The following ANKS1B variants were observed in gnomAD, a reference collection of about 807,000 sequenced individuals.
The protein encoded by ANKS1B is ankyrin repeat and sterile alpha motif domain-containing protein 1B.
A neutral mutation model predicts 148.3 loss-of-function variants in ANKS1B; 36 were observed. The ratio of observed to expected loss-of-function variants is 0.24; its 90% CI spans 0.19 to 0.32. The LOEUF (loss-of-function observed/expected upper bound fraction) is 0.32. Among genes scored for constraint, ANKS1B ranks in the 10% least tolerant of loss-of-function variants. ANKS1B has a pLI of 1.00. For synonymous variants in ANKS1B, 542 were observed against 560.8 expected, an observed-to-expected ratio of 0.97 and a Z score of 0.47; for missense variants, 1,157 against 1,542.6, an observed-to-expected ratio of 0.75 and a Z score of 4.19.
At chr12:99,273,291 T>C (rs1386319558) in intron 12 of ANKS1B, among the ~76,000 whole-genome samples, 1 of 152,206 alleles carries the variant, frequency 6.6e-6, no homozygotes, top group African/African-American at 2.4e-5. Context: ...ACTTTCTCTG[T>C]CCCTTCTATT....
intron 1 of ANKS1B, among the ~76,000 whole-genome samples, chr12:99,959,903 T>G (rs934660648): frequency 6.6e-6 from 1 of 152,194 alleles, no homozygotes; most frequent in Admixed American, 6.5e-5. Flanking sequence ...TGCATCCCTC[T>G]ACTTAATAAA....
intron 9 of ANKS1B, among the ~76,000 whole-genome samples, chr12:99,510,203 A>G (rs1596092626): frequency 6.6e-6 from 1 of 152,048 alleles, no homozygotes; most frequent in Non-Finnish European, 1.5e-5. Context: ...GACTGTTAAC[A>G]CAGCATGTAT....
chr12:99,692,112 T>C (rs2098682476), intron 8 of ANKS1B, among the ~76,000 whole-genome samples: 1 of 152,216 alleles, frequency 6.6e-6, no homozygotes, highest in Non-Finnish European at 1.5e-5. Context: ...GTTAAGTATA[T>C]AAGAAAGTCA....
At chr12:99,943,183 C>A (rs887806036) in intron 1 of ANKS1B, among the ~76,000 whole-genome samples, 7 of 152,154 alleles carry the variant, frequency 4.6e-5, no homozygotes, top group African/African-American at 1.2e-4. Flanking sequence ...ACATCTGAAA[C>A]CCATCCTTTC....
intron 2 of ANKS1B, among the ~76,000 whole-genome samples, chr12:99,819,768 G>T (rs766787112): frequency 2.0e-5 from 3 of 151,410 alleles, no homozygotes; most frequent in Non-Finnish European, 3.0e-5. Context: ...ACCTCACAGG[G>T]AAAGATAAGA....
intron 17 of ANKS1B, among the ~76,000 whole-genome samples, chr12:98,925,941 T>TA (rs1216299601): frequency 6.6e-6 from 1 of 151,930 alleles, no homozygotes; most frequent in Non-Finnish European, 1.5e-5. Flanking sequence ...TAATTGAAAC[T>TA]AAAAAAAGAA....
At chr12:99,512,716 C>A (rs560718024) in intron 9 of ANKS1B, among the ~76,000 whole-genome samples, 3 of 152,060 alleles carry the variant, frequency 2.0e-5, no homozygotes, top group Non-Finnish European at 4.4e-5. Context: ...GAATACTATG[C>A]AGCCATAAAA....
intron 8 of ANKS1B, among the ~76,000 whole-genome samples, chr12:99,770,377 G>T (rs1226762402): frequency 1.3e-5 from 2 of 152,030 alleles, no homozygotes; most frequent in Non-Finnish European, 2.9e-5. Context: ...TCAAAACATG[G>T]TAAGAACCAT....
intron 9 of ANKS1B, among the ~76,000 whole-genome samples, chr12:99,631,790 TAAAG>T (rs1042132503): frequency 5.9e-5 from 9 of 152,062 alleles, no homozygotes; most frequent in African/African-American, 2.2e-4. Context: ...AATAATAACT[TAAAG>T]AAAGAATTTA....
chr12:98,802,509 C>T (rs537856776), intron 20 of ANKS1B, among the ~76,000 whole-genome samples: 91 of 146,224 alleles, frequency 6.2e-4, no homozygotes, highest in African/African-American at 2.0e-3. Flanking sequence ...ATTTTCTTTG[C>T]GCACTTTGGA....
chr12:99,517,340 G>A (rs891191431), intron 9 of ANKS1B, among the ~76,000 whole-genome samples: 1 of 150,804 alleles, frequency 6.6e-6, no homozygotes, highest in Non-Finnish European at 1.5e-5. Flanking sequence ...AAATGCTACT[G>A]ATTTTTGTAT....
intron 10 of ANKS1B, among the ~76,000 whole-genome samples, chr12:99,449,655 T>C (rs1010962197): frequency 1.3e-5 from 2 of 152,028 alleles, no homozygotes; most frequent in Non-Finnish European, 2.9e-5. Flanking sequence ...AGAAACACCA[T>C]CAGAATTAAA....
chr12:99,812,368 A>G, intron 2 of ANKS1B, 57 bp from the exon 3 acceptor site: 4 of 1,525,864 alleles, frequency 2.6e-6, no homozygotes, highest in Non-Finnish European at 3.6e-6. Flanking sequence ...ACTGTATTAA[A>G]TAGGTAATTT....
At chr12:98,917,673 G>A (rs1311698832) in intron 17 of ANKS1B, among the ~76,000 whole-genome samples, 1 of 152,208 alleles carries the variant, frequency 6.6e-6, no homozygotes, top group African/African-American at 2.4e-5. Flanking sequence ...TGAATCTCAT[G>A]ATAATAAAAA....
intron 9 of ANKS1B, among the ~76,000 whole-genome samples, chr12:99,548,371 TC>T (rs76908450): frequency 0.2 from 30,015 of 151,928 alleles, 3,062 homozygotes; most frequent in East Asian, 0.24. Flanking sequence ...TGCTTTCTAA[TC>T]CCCAACAGTT....
Position 98,957,252 on chromosome 12 carries a change from G to T in ANKS1B, c.2778+95905C>A, listed in dbSNP as rs1414486210. Among the ~76,000 whole-genome samples, 8 of 152,124 alleles carry T rather than the reference G, an allele frequency of 5.3e-5. No individual in the cohort carries two copies. The South Asian group carries it at 1.7e-3, about 32-fold the overall frequency. ...TAAGCAATTGTTAACTTGCTGCAGA[G>T]TGAGTGAACCCAATTGCATTGGATT... On this transcript the variant is annotated intron_variant, in intron 17 of 26. Coordinates refer to ENST00000683438, the MANE Select transcript of ANKS1B (RefSeq NM_001352186.2).
intron 15 of ANKS1B, among the ~76,000 whole-genome samples, chr12:99,098,725 G>A (rs2057069191): frequency 1.5e-5 from 2 of 135,952 alleles, no homozygotes; most frequent in East Asian, 2.3e-4. Flanking sequence ...TATTCTGAAA[G>A]AGGCAGCATG....
intron 8 of ANKS1B, among the ~76,000 whole-genome samples, chr12:99,765,855 G>A (rs1304139224): frequency 6.6e-6 from 1 of 152,126 alleles, no homozygotes; most frequent in Non-Finnish European, 1.5e-5. Flanking sequence ...CAGAAAGCCA[G>A]AGTAAAATTT....
chr12:99,926,633 G>C (rs1187785419), intron 1 of ANKS1B, among the ~76,000 whole-genome samples: 2 of 152,170 alleles, frequency 1.3e-5, no homozygotes, highest in Admixed American at 1.3e-4. Context: ...CTTGGAACTT[G>C]TCAGCCTCCA....
Sources: allele counts gnomAD v4.1 joint callset (sites outside exome capture counted in the v4.1 genomes callset), GRCh38; gene constraint gnomAD v4.1.1; transcripts MANE v1.5; gene names NCBI Gene and HGNC (gene_info 2026-07-23, HGNC 2026-07-21).